The following CNTNAP2 variants were observed in gnomAD, a reference collection of about 807,000 sequenced individuals.
The protein encoded by CNTNAP2 is contactin-associated protein-like 2.
Under a neutral mutation model 155.2 loss-of-function variants are expected in CNTNAP2, and 98 were observed. That is an observed-to-expected ratio of 0.63 (90% CI 0.54 to 0.75). CNTNAP2 has a LOEUF of 0.75. CNTNAP2 is among the 30% of genes least tolerant of loss of function. The pLI, the probability that CNTNAP2 is intolerant of heterozygous loss-of-function variation, is 0.00. For synonymous variants in CNTNAP2, 651 were observed against 631.2 expected (o/e 1.03, Z -0.47); for missense variants, 1,727 against 1,688.1 (o/e 1.02, Z -0.40).
At chr7:147,728,884 A>C (rs1266524305) in intron 13 of CNTNAP2, among the ~76,000 whole-genome samples, 1 of 151,840 alleles carries the variant, frequency 6.6e-6, no homozygotes, top group Non-Finnish European at 1.5e-5. Context: ...CCAAGTGTTC[A>C]TAAAATTGGC....
intron 1 of CNTNAP2, among the ~76,000 whole-genome samples, chr7:146,457,862 G>A (rs999366606): frequency 4.0e-5 from 6 of 151,316 alleles, no homozygotes; most frequent in African/African-American, 1.5e-4. Context: ...ATTTCTCAAG[G>A]CACATGAGAA....
At chr7:147,509,812 G>A (rs1044905216) in intron 11 of CNTNAP2, among the ~76,000 whole-genome samples, 1 of 152,042 alleles carries the variant, frequency 6.6e-6, no homozygotes, top group Non-Finnish European at 1.5e-5. Context: ...GGTTTTCTCT[G>A]CAGATTGTTT....
intron 18 of CNTNAP2, among the ~76,000 whole-genome samples, chr7:148,214,098 C>T (rs1417699342): frequency 6.6e-6 from 1 of 152,172 alleles, no homozygotes; most frequent in East Asian, 1.9e-4. Flanking sequence ...ATGTCTTTTC[C>T]CACAGCAAGT....
At chr7:148,144,813 G>A (rs1049856099) in intron 16 of CNTNAP2, among the ~76,000 whole-genome samples, 7 of 152,156 alleles carry the variant, frequency 4.6e-5, no homozygotes, top group Admixed American at 2.6e-4. Flanking sequence ...CACATTAAGC[G>A]AGGACAGTGT....
intron 15 of CNTNAP2, among the ~76,000 whole-genome samples, chr7:148,069,291 G>T (rs1032360371): frequency 6.6e-6 from 1 of 152,154 alleles, no homozygotes; most frequent in Non-Finnish European, 1.5e-5. Flanking sequence ...ATAAGTGTAT[G>T]CAAATGCTCC....
At position 146,464,187 on chromosome 7, in the gene CNTNAP2, G is replaced by GTTTTTTTTTTTTTTT. The variant is rs369508603; in HGVS notation, c.98-310079_98-310065dup. Among the ~76,000 whole-genome samples, 12 of 91,558 alleles carry GTTTTTTTTTTTTTTT rather than the reference G, an allele frequency of 1.3e-4. 1 individual carries two copies. Among genetic ancestry groups the GTTTTTTTTTTTTTTT allele is most frequent in the African/African-American group, 4.1e-4 (11 of 26,962 alleles). 60.1% of individuals were successfully genotyped at this position (91,558 alleles called of 152,430 possible). On this transcript the variant is annotated intron_variant, in intron 1 of 23. Coordinates refer to ENST00000361727, the MANE Select transcript of CNTNAP2 (RefSeq NM_014141.6). ...TGCTCAATGTCTTTCCTTTGAAACT[G>GTTTTTTTTTTTTTTT]TTTTTTTTTTTTTTTTTTTGGCTCT...
intron 21 of CNTNAP2, among the ~76,000 whole-genome samples, chr7:148,373,205 C>G (rs1798922331): frequency 6.6e-6 from 1 of 152,158 alleles, no homozygotes; most frequent in Admixed American, 6.5e-5. Flanking sequence ...CACCTGTAAT[C>G]CCAGGACTTT....
intron 10 of CNTNAP2, among the ~76,000 whole-genome samples, chr7:147,463,407 A>G (rs1798059139): frequency 6.6e-6 from 1 of 152,220 alleles, no homozygotes; most frequent in South Asian, 2.1e-4. Context: ...CTCAGTCATT[A>G]AAACACATTT....
chr7:146,907,332 C>A (rs1412359766), intron 3 of CNTNAP2, among the ~76,000 whole-genome samples: 1 of 144,692 alleles, frequency 6.9e-6, no homozygotes, highest in East Asian at 2.0e-4. Context: ...AAGAGCAACT[C>A]CAAGACACAT....
intron 13 of CNTNAP2, among the ~76,000 whole-genome samples, chr7:147,653,256 TTC>T (rs1795474959): frequency 6.6e-6 from 1 of 152,234 alleles, no homozygotes; most frequent in South Asian, 2.1e-4. Context: ...CTTCTTCTTC[TTC>T]TTTTTTTGAT....
chr7:148,002,980 A>G (rs1447776479), intron 15 of CNTNAP2, among the ~76,000 whole-genome samples: 2 of 152,182 alleles, frequency 1.3e-5, no homozygotes, highest in East Asian at 1.9e-4. Context: ...TGACCTGGGG[A>G]AGAAAGATGA....
intron 1 of CNTNAP2, among the ~76,000 whole-genome samples, chr7:146,589,533 A>G (rs1330096690): frequency 1.3e-5 from 2 of 151,842 alleles, no homozygotes; most frequent in Non-Finnish European, 2.9e-5. Flanking sequence ...CTCACTCATA[A>G]CTGGGAGTTG....
chr7:147,406,787 T>C (rs1193463729), intron 10 of CNTNAP2, among the ~76,000 whole-genome samples: 1 of 152,216 alleles, frequency 6.6e-6, no homozygotes, highest in East Asian at 1.9e-4. Flanking sequence ...AAAATGAGTC[T>C]GTAATAAATT....
At position 148,420,727 on chromosome 7, in the gene CNTNAP2, T is replaced by G. The variant is rs558944863; in HGVS notation, c.*5111T>G. On this transcript the variant is annotated 3_prime_UTR_variant, in exon 24 of 24. Coordinates refer to ENST00000361727, the MANE Select transcript of CNTNAP2 (RefSeq NM_014141.6). ...CTAAGTTTTATTTTGTCAGGTTTTT[T>G]AAATTTTTTCAGTGAGCGTGGTGAC... The G allele has an allele frequency of 6.6e-6, 1 of 152,628 alleles. No homozygotes were observed. The highest frequency in any genetic ancestry group is 2.4e-5 in the African/African-American group (1 of 41,452). 9.5% of individuals were successfully genotyped at this position (152,628 alleles called of 1,614,324 possible). A position where few individuals can be genotyped will look rare whatever the true frequency, so the allele number is the denominator to read the frequency against.
chr7:147,368,314 G>T (rs1009236244), intron 9 of CNTNAP2, among the ~76,000 whole-genome samples: 1 of 152,000 alleles, frequency 6.6e-6, no homozygotes, highest in African/African-American at 2.4e-5. Flanking sequence ...GGAGGTAGAG[G>T]ACAATTGAGT....
At chr7:146,356,285 C>T (rs1425642971) in intron 1 of CNTNAP2, among the ~76,000 whole-genome samples, 1 of 152,176 alleles carries the variant, frequency 6.6e-6, no homozygotes, top group Non-Finnish European at 1.5e-5. Context: ...AATGCAAAGT[C>T]TTGAACTCTA....
At position 147,326,425 on chromosome 7, in the gene CNTNAP2, GTTTA is replaced by G. The variant is rs1420736167; in HGVS notation, c.1498+26138_1498+26141del. ...TCATTGTATGTGTCTATCACATCTT[GTTTA>G]TTCATTCATGCATCAATGAACATTT... is the stretch of plus-strand genomic sequence containing the variant. On this transcript the variant is annotated intron_variant, in intron 9 of 23. Coordinates refer to ENST00000361727, the MANE Select transcript of CNTNAP2 (RefSeq NM_014141.6). Among the ~76,000 whole-genome samples, 6 of 152,126 alleles carry G rather than the reference GTTTA, an allele frequency of 3.9e-5. No individual in the cohort carries two copies. In the East Asian group the frequency reaches 5.8e-4, roughly 15 times the overall value.
intron 1 of CNTNAP2, among the ~76,000 whole-genome samples, chr7:146,596,348 A>AT (rs1349745178): frequency 6.6e-6 from 1 of 151,952 alleles, no homozygotes; most frequent in African/African-American, 2.4e-5. Flanking sequence ...CCAGAAGCAC[A>AT]ATGTCAGGTG....
intron 9 of CNTNAP2, among the ~76,000 whole-genome samples, chr7:147,384,635 T>C (rs1269574708): frequency 6.6e-6 from 1 of 152,306 alleles, no homozygotes; most frequent in East Asian, 1.9e-4. Context: ...TGAAGAGCAA[T>C]CTCATCAATA....
Sources: gnomAD v4.1 joint callset for allele counts (sites outside exome capture counted in the v4.1 genomes callset) on GRCh38, gnomAD v4.1.1 for gene constraint, MANE v1.5 for transcripts, NCBI Gene and HGNC (gene_info 2026-07-23, HGNC 2026-07-21) for gene names.